The following XRRA1 variants were observed in gnomAD, a reference collection of about 807,000 sequenced individuals.
XRRA1 encodes X-ray radiation resistance associated 1.
A neutral mutation model predicts 80.2 loss-of-function variants in XRRA1; 69 were observed. The ratio of observed to expected loss-of-function variants is 0.86; its 90% CI spans 0.71 to 1.05. The LOEUF (loss-of-function observed/expected upper bound fraction) is 1.05, where lower values mean the gene tolerates loss of function less well. XRRA1 is among the 50% of genes least tolerant of loss of function. XRRA1 has a pLI of 0.00. For synonymous variants in XRRA1, 348 were observed against 389.9 expected (o/e 0.89, Z 1.27); for missense variants, 967 against 976.4 (o/e 0.99, Z 0.13).
intron 8 of XRRA1, among the ~76,000 whole-genome samples, chr11:74,912,197 A>G (rs1591346970): frequency 6.6e-6 from 1 of 152,240 alleles, no homozygotes; most frequent in Non-Finnish European, 1.5e-5. Flanking sequence ...AAAGGTTTAT[A>G]GTGTTGCAAA....
chr11:74,935,326 AAGAC>A (rs1944687710), intron 4 of XRRA1, among the ~76,000 whole-genome samples: 3 of 152,236 alleles, frequency 2.0e-5, no homozygotes, highest in African/African-American at 7.2e-5. Flanking sequence ...GCACAGCACA[AAGAC>A]AGAAGGAACA....
chr11:74,915,426 G>C (rs1177500447), intron 8 of XRRA1, among the ~76,000 whole-genome samples: 2 of 152,096 alleles, frequency 1.3e-5, no homozygotes, highest in Admixed American at 1.3e-4. Context: ...AATGTCAGTT[G>C]CCCTCTTTCC....
At chr11:74,891,124 C>A (rs2050577065) in intron 10 of XRRA1, among the ~76,000 whole-genome samples, 1 of 152,182 alleles carries the variant, frequency 6.6e-6, no homozygotes, top group Admixed American at 6.5e-5. Context: ...AGACCAATAT[C>A]CCTGATGAAC....
intron 10 of XRRA1, among the ~76,000 whole-genome samples, chr11:74,898,088 T>C (rs2052779283): frequency 6.6e-6 from 1 of 152,112 alleles, no homozygotes; most frequent in African/African-American, 2.4e-5. Flanking sequence ...AAGACATAAA[T>C]AGAAACAACA....
At chr11:74,930,193 G>T in intron 6 of XRRA1, 107 bp downstream of exon 6, 2 of 948,764 alleles carry the variant, frequency 2.1e-6, no homozygotes, top group Non-Finnish European at 3.2e-6. Flanking sequence ...CTCCAAAAAA[G>T]AGATGTGTGG....
intron 8 of XRRA1, among the ~76,000 whole-genome samples, chr11:74,909,286 C>G (rs1201937428): frequency 1.3e-5 from 2 of 152,164 alleles, no homozygotes; most frequent in Non-Finnish European, 2.9e-5. Context: ...TGAGTGTGCC[C>G]TTTCCTCTTT....
chr11:74,938,298 G>A (rs1398598781), intron 3 of XRRA1, among the ~76,000 whole-genome samples: 1 of 152,142 alleles, frequency 6.6e-6, no homozygotes, highest in East Asian at 1.9e-4. Flanking sequence ...TGATACTCCA[G>A]TTACCCCATT....
chr11:74,907,783 CTCTCT>C (rs1591304224), intron 8 of XRRA1, among the ~76,000 whole-genome samples: 1 of 152,152 alleles, frequency 6.6e-6, no homozygotes, highest in East Asian at 1.9e-4. Flanking sequence ...TGCAGTGAGG[CTCTCT>C]TCTCAAGTGG....
intron 3 of XRRA1, among the ~76,000 whole-genome samples, chr11:74,937,981 A>T (rs1945422730): frequency 6.6e-6 from 1 of 152,166 alleles, no homozygotes; most frequent in Non-Finnish European, 1.5e-5. Flanking sequence ...ATCCATTCCT[A>T]TCTTTTCTGA....
At chr11:74,854,855 T>G (rs1206970884) in intron 12 of XRRA1, among the ~76,000 whole-genome samples, 1 of 148,078 alleles carries the variant, frequency 6.8e-6, no homozygotes, top group Admixed American at 6.7e-5. Flanking sequence ...CCGTCTCTAC[T>G]AAAAAAAAAA....
In XRRA1 at chr11:74,848,468, A is replaced by G. The variant is rs780698500; in HGVS notation, c.1381-6T>C. The G allele has an allele frequency of 1.3e-6, 2 of 1,598,506 alleles. No homozygotes were observed. Among genetic ancestry groups the G allele is most frequent in the South Asian group, 2.2e-5 (2 of 89,288 alleles). ...TTTGGGATTTCGCTTTTCACCTGTCATGGAGAAGGGCCAGAATGAATTTGC... is the reference window on the plus strand; with the variant it reads ...TTTGGGATTTCGCTTTTCACCTGTCGTGGAGAAGGGCCAGAATGAATTTGC... On this transcript the variant is annotated splice_region_variant and splice_polypyrimidine_tract_variant and intron_variant, in intron 14 of 18. Coordinates refer to ENST00000684022, the MANE Select transcript of XRRA1 (RefSeq NM_001378157.1).
At chr11:74,870,835 C>A (rs2044621154) in intron 10 of XRRA1, among the ~76,000 whole-genome samples, 3 of 152,154 alleles carry the variant, frequency 2.0e-5, no homozygotes, top group Admixed American at 2.0e-4. Flanking sequence ...AGGAAAATGC[C>A]CTCCAAAACC....
intron 10 of XRRA1, among the ~76,000 whole-genome samples, chr11:74,894,455 A>T (rs900184608): frequency 8.5e-5 from 13 of 152,206 alleles, no homozygotes; most frequent in African/African-American, 3.1e-4. Context: ...TGAGTAATTT[A>T]TAAAGAAAAT....
At chr11:74,911,895 G>A (rs920548607) in intron 8 of XRRA1, among the ~76,000 whole-genome samples, 1 of 152,216 alleles carries the variant, frequency 6.6e-6, no homozygotes, top group Non-Finnish European at 1.5e-5. Context: ...TCAAAGCCCA[G>A]GGTACCCTGA....
chr11:74,932,276 A>G (rs963820765), intron 5 of XRRA1, among the ~76,000 whole-genome samples: 1 of 152,236 alleles, frequency 6.6e-6, no homozygotes, highest in Non-Finnish European at 1.5e-5. Flanking sequence ...GCTAGCAAGC[A>G]TCCACTCATC....
intron 10 of XRRA1, among the ~76,000 whole-genome samples, chr11:74,900,923 A>G (rs1309508855): frequency 6.6e-6 from 1 of 152,234 alleles, no homozygotes; most frequent in Non-Finnish European, 1.5e-5. Context: ...TTTTACCACC[A>G]TTATTCAACT....
chr11:74,843,748 G>T, intron 18 of XRRA1, 106 bp downstream of exon 18: 1 of 1,039,204 alleles, frequency 9.6e-7, no homozygotes. Flanking sequence ...GATGTAGGCA[G>T]TTGCTCTCTA....
rs773879797 is a variant in XRRA1 at position 74,848,246 on chromosome 11, G to A, written c.1597C>T (p.Pro533Ser). ...TGCACAGTGGAGTTGGAGCAGATGG[G>A]AGGCAGTGGCACGAAGGTCCGGCAA... The part of the protein sequence containing the change: ...PSCRTFVPLP[P>S]ICSNSTVHSE... The change falls in exon 15 of 19, where the codon CCC becomes TCC. Residue 533 changes from proline to serine, a missense_variant. Coordinates refer to ENST00000684022, the MANE Select transcript of XRRA1 (RefSeq NM_001378157.1). The A allele has an allele frequency of 1.9e-6, 3 of 1,613,908 alleles. No homozygotes were observed. The South Asian group carries it at 3.3e-5, about 18-fold the overall frequency.
chr11:74,928,445 T>C (rs1179153773), intron 6 of XRRA1, among the ~76,000 whole-genome samples: 5 of 152,250 alleles, frequency 3.3e-5, no homozygotes, highest in African/African-American at 1.2e-4. Flanking sequence ...CAATGTATAT[T>C]GGCTCCTGTG....
Sources: gnomAD v4.1 joint callset for allele counts (sites outside exome capture counted in the v4.1 genomes callset) on GRCh38, gnomAD v4.1.1 for gene constraint, MANE v1.5 for transcripts, NCBI Gene and HGNC (gene_info 2026-07-23, HGNC 2026-07-21) for gene names.